Variants in KTN1 observed in about 807,000 individuals in gnomAD.
The protein encoded by KTN1 is kinectin.
In KTN1, 130 loss-of-function variants were observed where a neutral mutation model predicts 222.5. The ratio of observed to expected loss-of-function variants is 0.58; its 90% CI spans 0.51 to 0.68. The LOEUF (loss-of-function observed/expected upper bound fraction) is 0.68. Among genes scored for constraint, KTN1 ranks in the 30% least tolerant of loss-of-function variants. The probability of loss-of-function intolerance (pLI) is 0.00; values close to 1 mark genes in which losing one functional copy is unlikely to be tolerated. For synonymous variants in KTN1, 512 were observed against 496.3 expected, an observed-to-expected ratio of 1.03 and a Z score of -0.42; for missense variants, 1,508 against 1,500.4, an observed-to-expected ratio of 1.01 and a Z score of -0.08.
chr14:55,650,688 T>G (rs746053384), intron 24 of KTN1, 51 bp downstream of exon 24: 1 of 1,351,642 alleles, frequency 7.4e-7, no homozygotes, highest in African/African-American at 1.5e-5. Context: ...GTGTTATTTA[T>G]GAGCTATTTG....
intron 1 of KTN1, among the ~76,000 whole-genome samples, chr14:55,603,751 T>C (rs1229179192): frequency 6.6e-6 from 1 of 152,226 alleles, no homozygotes; most frequent in Non-Finnish European, 1.5e-5. Flanking sequence ...AGCTGTCTCC[T>C]GGACATCTCC....
intron 5 of KTN1, among the ~76,000 whole-genome samples, chr14:55,623,482 C>T (rs1215093039): frequency 6.6e-6 from 1 of 152,192 alleles, no homozygotes; most frequent in East Asian, 1.9e-4. Flanking sequence ...CGGGCTCAAG[C>T]GATCCCTCCA....
Position 55,672,789 on chromosome 14 carries a change from T to C in KTN1, c.3603+88T>C, listed in dbSNP as rs530981689. ...GAAGATCTATAGTTTAAGATTACTT[T>C]ATAGTTATGCTCTTAATATCTTGGG... On this transcript the variant is annotated intron_variant, in intron 38 of 43. Coordinates refer to ENST00000395314, the MANE Select transcript of KTN1 (RefSeq NM_001079521.2). 6.4e-5 allele frequency: 69 copies of C among 1,072,658 alleles called. No homozygotes were observed. In the African/African-American group the frequency reaches 1.0e-3, roughly 16 times the overall value. 66.4% of individuals were successfully genotyped at this position (1,072,658 alleles called of 1,614,324 possible). A position where few individuals can be genotyped will look rare whatever the true frequency, so the allele number is the denominator to read the frequency against.
intron 43 of KTN1, chr14:55,679,900 T>C (rs1409538972): frequency 1.9e-6 from 1 of 527,064 alleles, no homozygotes; most frequent in East Asian, 3.4e-5. Flanking sequence ...CTGTGCCTCC[T>C]TTGACCTTTG....
At chr14:55,672,071 C>A in intron 37 of KTN1, 194 bp downstream of exon 37, 1 of 533,086 alleles carries the variant, frequency 1.9e-6, no homozygotes, top group Non-Finnish European at 3.4e-6. Flanking sequence ...TTGAAAATCA[C>A]TGGTTTTAAA....
chr14:55,660,619 G>T (rs2044027540), intron 31 of KTN1, among the ~76,000 whole-genome samples: 1 of 151,988 alleles, frequency 6.6e-6, no homozygotes, highest in South Asian at 2.1e-4. Context: ...TTACAGAGTT[G>T]CTTGTGTACT....
Position 55,681,103 on chromosome 14 carries a change from CTACT to C in KTN1, c.4069+1421_4069+1424del, listed in dbSNP as rs1360001375. ...GTATTCTTAAGAAAATACTCTCTAT[CTACT>C]TATTTATTGTTATTGATTACTTTAT... On this transcript the variant is annotated intron_variant, in intron 43 of 43. Coordinates refer to ENST00000395314, the MANE Select transcript of KTN1 (RefSeq NM_001079521.2). 46 of 188,058 alleles carry C rather than the reference CTACT, an allele frequency of 2.4e-4. No individual in the cohort carries two copies. The South Asian group carries it at 4.3e-3, about 18-fold the overall frequency. 11.6% of individuals were successfully genotyped at this position (188,058 alleles called of 1,614,324 possible). A position where few individuals can be genotyped will look rare whatever the true frequency, so the allele number is the denominator to read the frequency against.
At chr14:55,661,484 C>T (rs1330976580) in intron 31 of KTN1, 38 bp from the exon 32 acceptor site, 12 of 1,078,122 alleles carry the variant, frequency 1.1e-5, no homozygotes, top group African/African-American at 1.6e-5. Context: ...TTACTGTTTA[C>T]CTAAAATCTT....
chr14:55,654,321 A>G (rs1189555732), intron 28 of KTN1, among the ~76,000 whole-genome samples: 1 of 148,468 alleles, frequency 6.7e-6, no homozygotes, highest in Non-Finnish European at 1.5e-5. Flanking sequence ...GATATTGAGG[A>G]TATTTATTAG....
intron 4 of KTN1, 127 bp from the exon 5 acceptor site, chr14:55,619,055 T>G: frequency 6.0e-6 from 4 of 668,972 alleles, no homozygotes; most frequent in South Asian, 3.9e-5. Flanking sequence ...TAACCTGAAG[T>G]ATATATCTGT....
At chr14:55,683,854 T>TTTTAAA in intron 43 of KTN1, 1 of 410,208 alleles carries the variant, frequency 2.4e-6, no homozygotes, top group Non-Finnish European at 4.3e-6. Flanking sequence ...ACCAGTGTTG[T>TTTTAAA]TGTTTTAAAT....
rs772358217 is a variant in KTN1, at chr14:55,675,859, C to T, written c.3796C>T (p.Leu1266Phe). 11 of 1,612,296 alleles carry T rather than the reference C, an allele frequency of 6.8e-6. No homozygotes were observed. Among genetic ancestry groups the T allele is most frequent in the African/African-American group, 1.3e-5 (1 of 74,868 alleles). Residue 1266 changes from leucine (L) to phenylalanine (F), a missense_variant, in exon 41 of 44, where the codon CTC becomes TTC. Coordinates refer to ENST00000395314, the MANE Select transcript of KTN1 (RefSeq NM_001079521.2). ...GTTGAAGGCACAGTTAAATGAAACA[C>T]TCACAAAACTTAGAACTGAACAAAA... is the stretch of plus-strand genomic sequence containing the variant. ...NLLKAQLNET[L>F]TKLRTEQNER...
At chr14:55,621,846 CTT>C (rs10618434) in intron 5 of KTN1, among the ~76,000 whole-genome samples, 30,810 of 124,022 alleles carry the variant, frequency 0.25, 3,245 homozygotes, top group East Asian at 0.34. Flanking sequence ...ATTTATATTA[CTT>C]TTTTTTTTTT....
chr14:55,605,092 A>T (rs1212017161), intron 1 of KTN1, among the ~76,000 whole-genome samples: 2 of 152,152 alleles, frequency 1.3e-5, no homozygotes, highest in East Asian at 3.9e-4. Context: ...TCCAGGCATG[A>T]CATGTTGGAA....
chr14:55,613,355 G>A (rs112308750), intron 2 of KTN1, among the ~76,000 whole-genome samples: 9,191 of 152,132 alleles, frequency 0.06, 384 homozygotes, highest in South Asian at 0.089. Flanking sequence ...GGGAAAGGGG[G>A]TTGATAGGTA....
intron 5 of KTN1, among the ~76,000 whole-genome samples, chr14:55,627,578 T>G (rs2039995634): frequency 6.6e-6 from 1 of 152,162 alleles, no homozygotes; most frequent in Non-Finnish European, 1.5e-5. Flanking sequence ...CTACATTAGG[T>G]ATTTCTCCTA....
chr14:55,639,361 GC>G (rs2041515935), intron 13 of KTN1, 139 bp downstream of exon 13: 7 of 399,354 alleles, frequency 1.8e-5, no homozygotes, highest in African/African-American at 4.9e-5. Context: ...AGCAACTTTT[GC>G]TTTTTTTTTT....
chr14:55,653,867 AT>A (rs762920458), intron 28 of KTN1, among the ~76,000 whole-genome samples: 4 of 152,122 alleles, frequency 2.6e-5, no homozygotes, highest in African/African-American at 9.7e-5. Context: ...GTTTTAAGTT[AT>A]TTTTTAAAAC....
intron 43 of KTN1, chr14:55,680,622 T>C (rs2046283111): frequency 2.2e-6 from 2 of 894,042 alleles, no homozygotes; most frequent in Non-Finnish European, 3.4e-6. Flanking sequence ...AGAGCTTAGG[T>C]ATCCTGGAAA....
Sources: allele counts gnomAD v4.1 joint callset (sites outside exome capture counted in the v4.1 genomes callset), GRCh38; gene constraint gnomAD v4.1.1; transcripts MANE v1.5; gene names NCBI Gene and HGNC (gene_info 2026-07-23, HGNC 2026-07-21).